Variants in UNC13C observed in about 807,000 individuals in gnomAD.
The protein encoded by UNC13C is protein unc-13 homolog C.
Under a neutral mutation model 245.4 loss-of-function variants are expected in UNC13C, and 174 were observed. The ratio of observed to expected loss-of-function variants is 0.71; its 90% CI spans 0.63 to 0.80. UNC13C has a LOEUF of 0.80. UNC13C is among the 30% of genes least tolerant of loss of function. The probability of loss-of-function intolerance (pLI) is 0.00; values close to 1 mark genes in which losing one functional copy is unlikely to be tolerated. For missense variants in UNC13C, 2,829 were observed against 2,602.9 expected (o/e 1.09, Z -1.89); for synonymous variants, 992 against 895.1 (o/e 1.11, Z -1.93).
intron 2 of UNC13C, among the ~76,000 whole-genome samples, chr15:54,024,905 A>T (rs549071492): frequency 1.3e-5 from 2 of 150,956 alleles, no homozygotes; most frequent in South Asian, 2.1e-4. Context: ...TCAGAGAGAA[A>T]CTCCGTCTCA....
At chr15:53,840,933 G>C in the UNC13C span, among the ~76,000 whole-genome samples, 1 of 152,106 alleles carries the variant, frequency 6.6e-6, no homozygotes, top group African/African-American at 2.4e-5. Context: ...TAAAGTATTG[G>C]AATTCCAGTG....
chr15:54,313,948 TA>T, intron 13 of UNC13C, among the ~76,000 whole-genome samples: 1 of 151,120 alleles, frequency 6.6e-6, no homozygotes, highest in African/African-American at 2.4e-5. Context: ...CTTTTAGCCT[TA>T]AAAAAAAGAA....
At chr15:54,511,531 G>T (rs1291122089) in intron 23 of UNC13C, among the ~76,000 whole-genome samples, 1 of 152,042 alleles carries the variant, frequency 6.6e-6, no homozygotes, top group Non-Finnish European at 1.5e-5. Flanking sequence ...ATGGTTTATT[G>T]TCTGAGTATG....
chr15:53,899,860 T>G, the UNC13C span, among the ~76,000 whole-genome samples: 1 of 152,146 alleles, frequency 6.6e-6, no homozygotes, highest in Non-Finnish European at 1.5e-5. Flanking sequence ...AGATGGTTCC[T>G]TTTTAGTTTC....
intron 19 of UNC13C, among the ~76,000 whole-genome samples, chr15:54,430,468 CT>C (rs2040849506): frequency 6.6e-6 from 1 of 150,796 alleles, no homozygotes; most frequent in Non-Finnish European, 1.5e-5. Flanking sequence ...TTTTTTTTTG[CT>C]TTCTTATCAT....
intron 10 of UNC13C, among the ~76,000 whole-genome samples, chr15:54,274,818 C>G (rs566997774): frequency 3.3e-5 from 5 of 151,836 alleles, no homozygotes; most frequent in African/African-American, 9.6e-5. Flanking sequence ...ACTACAGGCG[C>G]CCGCCACCAC....
At chr15:54,256,419 C>T (rs1053505471) in intron 8 of UNC13C, among the ~76,000 whole-genome samples, 1 of 152,170 alleles carries the variant, frequency 6.6e-6, no homozygotes, top group African/African-American at 2.4e-5. Context: ...GTAGTCCCAC[C>T]TTATTCGTGG....
intron 20 of UNC13C, among the ~76,000 whole-genome samples, chr15:54,499,368 T>A (rs529281363): frequency 4.5e-4 from 69 of 152,192 alleles, no homozygotes; most frequent in African/African-American, 1.5e-3. Flanking sequence ...ACCTCCAACA[T>A]TGAGGACTAC....
chr15:54,523,916 A>G (rs964171480), intron 24 of UNC13C, among the ~76,000 whole-genome samples: 1 of 152,182 alleles, frequency 6.6e-6, no homozygotes, highest in African/African-American at 2.4e-5. Flanking sequence ...ATCAAATGAA[A>G]TCAAGGTAAA....
At chr15:54,407,642 T>A (rs2040324509) in intron 18 of UNC13C, among the ~76,000 whole-genome samples, 1 of 152,136 alleles carries the variant, frequency 6.6e-6, no homozygotes, top group Non-Finnish European at 1.5e-5. Context: ...CAGTGTATCA[T>A]AATGTTTTAT....
intron 7 of UNC13C, among the ~76,000 whole-genome samples, chr15:54,246,045 T>G (rs1481385548): frequency 6.6e-6 from 1 of 152,210 alleles, no homozygotes; most frequent in African/African-American, 2.4e-5. Context: ...ATATTGATGG[T>G]CTGAAAACAC....
intron 30 of UNC13C, among the ~76,000 whole-genome samples, chr15:54,616,069 T>C (rs1437994712): frequency 1.3e-5 from 2 of 152,038 alleles, no homozygotes; most frequent in Non-Finnish European, 2.9e-5. Flanking sequence ...CCCAAGGCAA[T>C]TCTAAAAGAT....
chr15:54,333,923 T>C, intron 16 of UNC13C, 67 bp downstream of exon 16: 5 of 1,189,026 alleles, frequency 4.2e-6, no homozygotes, highest in Non-Finnish European at 4.9e-6. Flanking sequence ...TGGTAAAGTC[T>C]TGCTTTACCC....
chr15:54,042,900 T>G lies in UNC13C; in HGVS notation c.2983+27014T>G, dbSNP rs151210649. Among the ~76,000 whole-genome samples, 813 of 152,172 alleles carry G rather than the reference T, an allele frequency of 5.3e-3. 33 individuals carry two copies. In the South Asian group the frequency reaches 0.11, roughly 21 times the overall value. On this transcript the variant is annotated intron_variant, in intron 2 of 32. Transcript: ENST00000260323. Reference sequence around the variant, plus strand: ...AAGAAACCACTTACTGAGAATCTACTGCGCATAACATTGAGCATCAATGTT... The same window carrying G: ...AAGAAACCACTTACTGAGAATCTACGGCGCATAACATTGAGCATCAATGTT...
At chr15:54,624,932 T>G (rs1428586199) in intron 32 of UNC13C, among the ~76,000 whole-genome samples, 1 of 152,122 alleles carries the variant, frequency 6.6e-6, no homozygotes, top group African/African-American at 2.4e-5. Flanking sequence ...TTACCATACT[T>G]ATGCCTGAAA....
At chr15:54,522,250 C>G (rs1334768231) in intron 24 of UNC13C, among the ~76,000 whole-genome samples, 3 of 151,338 alleles carry the variant, frequency 2.0e-5, no homozygotes, top group Admixed American at 2.0e-4. Flanking sequence ...GCAGGTGGAT[C>G]ACCTGAGGTC....
intron 4 of UNC13C, among the ~76,000 whole-genome samples, chr15:54,214,941 G>C (rs1272938828): frequency 6.6e-6 from 1 of 151,560 alleles, no homozygotes; most frequent in Non-Finnish European, 1.5e-5. Flanking sequence ...TAATTAAAGG[G>C]ATTTTTTTTC....
chr15:54,160,611 CT>C lies in UNC13C; in HGVS notation c.3071+16929del, dbSNP rs2032934613. Among the ~76,000 whole-genome samples, 4 of 152,108 alleles carry C rather than the reference CT, an allele frequency of 2.6e-5. No homozygotes were observed. In the East Asian group the frequency reaches 7.7e-4, roughly 29 times the overall value. ...AGACTCTGATGTCTGGAATAAAGTT[CT>C]TGCTAAATAGCTGTTCAAAAGTATA... On this transcript the variant is annotated intron_variant, in intron 4 of 32. Coordinates refer to ENST00000260323, the MANE Select transcript of UNC13C (RefSeq NM_001080534.3).
chr15:54,154,607 G>A (rs143350840), intron 4 of UNC13C, among the ~76,000 whole-genome samples: 45 of 152,166 alleles, frequency 3.0e-4, no homozygotes, highest in Non-Finnish European at 5.4e-4. Context: ...CAACATTTCC[G>A]TTTTTTCCCC....
Sources: allele counts gnomAD v4.1 joint callset (sites outside exome capture counted in the v4.1 genomes callset), GRCh38; gene constraint gnomAD v4.1.1; transcripts MANE v1.5; gene names NCBI Gene and HGNC (gene_info 2026-07-23, HGNC 2026-07-21).